HFM1: variants seen among roughly 807,000 people sequenced by gnomAD.
HFM1 encodes the protein probable ATP-dependent DNA helicase HFM1.
Under a neutral mutation model 192.1 loss-of-function variants are expected in HFM1, and 169 were observed. That is an observed-to-expected ratio of 0.88 (90% CI 0.78 to 1.00). The LOEUF (loss-of-function observed/expected upper bound fraction) is 1.00. Ranked by LOEUF, HFM1 falls within the 50% of genes least tolerant of loss-of-function variation. The pLI is 0.00. For missense variants in HFM1, 1,661 were observed against 1,668.0 expected (o/e 1.00, Z 0.07); for synonymous variants, 525 against 537.8 (o/e 0.98, Z 0.33).
intron 4 of HFM1, among the ~76,000 whole-genome samples, chr1:91,387,435 G>A (rs909583811): frequency 6.6e-6 from 1 of 150,516 alleles, no homozygotes; most frequent in Non-Finnish European, 1.5e-5. Flanking sequence ...CCGCTTTCAC[G>A]GTCTGTATTC....
chr1:91,401,354 T>G (rs907879347), intron 1 of HFM1, among the ~76,000 whole-genome samples: 8 of 152,216 alleles, frequency 5.3e-5, no homozygotes, highest in Non-Finnish European at 1.2e-4. Flanking sequence ...TGGAATGTGT[T>G]TTCTGCCATT....
chr1:91,313,579 T>A, intron 29 of HFM1, 84 bp from the exon 30 acceptor site: 1 of 921,550 alleles, frequency 1.1e-6, no homozygotes. Flanking sequence ...TTATCTCTCT[T>A]ACATTTTTAT....
Position 91,276,639 on chromosome 1 carries a change from T to C in HFM1, c.3577A>G (p.Lys1193Glu), listed in dbSNP as rs576011377. 1.7e-4 allele frequency: 253 copies of C among 1,499,272 alleles called. 3 individuals carry two copies. The South Asian group carries it at 2.9e-3, about 17-fold the overall frequency. The allele number at this position is 1,499,272 out of a possible 1,614,324, so 92.9% of individuals were successfully genotyped here. ...RNAVSSVPPV[K>E]RLKIQMNKSQ... is the part of the protein sequence containing the mutation. Reference sequence around the variant, plus strand: ...TTATTAAAACTAACCTTCAGACGTTTAACTGGAGGAACAGATGAAACAGCA... The same window carrying C: ...TTATTAAAACTAACCTTCAGACGTTCAACTGGAGGAACAGATGAAACAGCA... The change falls in exon 32 of 39, where the codon AAA (lysine) becomes GAA (glutamate). Residue 1193 changes from lysine (K) to glutamate (E), a missense_variant. By Grantham distance (56) the Lys-to-Glu change is moderately conservative. Transcript: ENST00000370425.
chr1:91,380,207 A>G lies in HFM1; in HGVS notation c.903T>C (p.Ile301=). 1 of 1,581,354 alleles carries G rather than the reference A, an allele frequency of 6.3e-7. No individual in the cohort carries two copies. The highest frequency in any genetic ancestry group is 8.6e-7 in the Non-Finnish European group (1 of 1,159,756). ...TTTTTCCAGAACCAGTTGGAGCACAAATCACAAAATTCCTATCTGTGTAAA... is the reference window on the plus strand; with the variant it reads ...TTTTTCCAGAACCAGTTGGAGCACAGATCACAAAATTCCTATCTGTGTAAA... ...DLLYTDRNFV[I]CAPTGSGKTV... The change falls in exon 8 of 39, where the codon ATT becomes ATC. Residue 301 remains isoleucine, a synonymous_variant. Coordinates refer to ENST00000370425, the MANE Select transcript of HFM1 (RefSeq NM_001017975.6).
intron 2 of HFM1, among the ~76,000 whole-genome samples, chr1:91,399,040 C>A (rs1664001141): frequency 6.6e-6 from 1 of 151,724 alleles, no homozygotes; most frequent in Non-Finnish European, 1.5e-5. Flanking sequence ...CCCCTGTGCC[C>A]TGCCCCACTC....
chr1:91,331,046 G>A (rs1211700326), intron 20 of HFM1, among the ~76,000 whole-genome samples: 3 of 152,156 alleles, frequency 2.0e-5, no homozygotes, highest in African/African-American at 7.2e-5. Context: ...AAACGGAAAA[G>A]CTTTCCTCTA....
chr1:91,370,617 A>C (rs1003222494), intron 13 of HFM1, among the ~76,000 whole-genome samples: 4 of 152,180 alleles, frequency 2.6e-5, no homozygotes, highest in African/African-American at 9.7e-5. Flanking sequence ...ATCTATGACA[A>C]ACCCACAGCC....
chr1:91,277,232 T>C (rs1666912724), intron 30 of HFM1, among the ~76,000 whole-genome samples, 170 bp from the exon 31 acceptor site: 1 of 151,690 alleles, frequency 6.6e-6, no homozygotes. Flanking sequence ...AATAAAGAGA[T>C]AGGGTCTTGC....
In HFM1 at chr1:91,385,790, T is replaced by C. The variant is rs147184441; in HGVS notation, c.539A>G (p.Asn180Ser). 2.5e-6 allele frequency: 4 copies of C among 1,607,308 alleles called. No homozygotes were observed. Among genetic ancestry groups the C allele is most frequent in the South Asian group, 1.1e-5 (1 of 90,940 alleles). The change falls in exon 5 of 39, where the codon AAT becomes AGT. Residue 180 changes from asparagine (N) to serine (S), a missense_variant. By Grantham distance (46) the Asn-to-Ser change is conservative. Transcript: ENST00000370425. The part of the protein sequence containing the change: ...SDNIHGSAYS[N>S]DNELDSHIGS... ...AATGTGAGAGTCCAATTCATTGTCA[T>C]TAGAATAAGCACTCCCATGTATATT...
At chr1:91,379,717 A>G (rs1661326879) in intron 8 of HFM1, among the ~76,000 whole-genome samples, 1 of 152,166 alleles carries the variant, frequency 6.6e-6, no homozygotes, top group Non-Finnish European at 1.5e-5. Context: ...GCTTTTCACT[A>G]TAAGGCCTTT....
chr1:91,321,716 CG>C (rs1326885752), intron 23 of HFM1, among the ~76,000 whole-genome samples: 1 of 151,760 alleles, frequency 6.6e-6, no homozygotes, highest in Non-Finnish European at 1.5e-5. Context: ...TGCACAAAGG[CG>C]GGAAATGATA....
chr1:91,359,219 C>T (rs1472070443), intron 13 of HFM1, among the ~76,000 whole-genome samples: 1 of 152,140 alleles, frequency 6.6e-6, no homozygotes, highest in Non-Finnish European at 1.5e-5. Context: ...ATGACTGTAA[C>T]ATTTCTCCAG....
rs1458515791 is a variant in HFM1 at position 91,277,002 on chromosome 1, T to C, written c.3452A>G (p.His1151Arg). The change falls in exon 31 of 39, where the codon CAT becomes CGT. Residue 1151 changes from histidine to arginine, a missense_variant. Physicochemically the swap from His to Arg is conservative, Grantham distance 29 (BLOSUM62 0). Transcript: ENST00000370425. Reference sequence around the variant, plus strand: ...CTCACAGCAGTCATGTCCACATGTATGTTTACTTTTACAAAGATGATTGCA... The same window carrying C: ...CTCACAGCAGTCATGTCCACATGTACGTTTACTTTTACAAAGATGATTGCA... ...RECNHLCKSK[H>R]TCGHDCCKIG... The C allele has an allele frequency of 6.3e-7, 1 of 1,595,952 alleles. No individual in the cohort carries two copies.
chr1:91,294,947 C>T (rs1445168695), intron 30 of HFM1, among the ~76,000 whole-genome samples: 1 of 152,100 alleles, frequency 6.6e-6, no homozygotes, highest in African/African-American at 2.4e-5. Context: ...ATAAATACTG[C>T]TAGTTTTCGG....
chr1:91,367,760 C>CTT (rs1246991551), intron 13 of HFM1, among the ~76,000 whole-genome samples: 5 of 151,958 alleles, frequency 3.3e-5, no homozygotes, highest in African/African-American at 1.2e-4. Context: ...CGGAGAATGA[C>CTT]TGACGAGTTG....
In HFM1 at chr1:91,313,497, T is replaced by A. The variant is rs780965851; in HGVS notation, c.3245-2A>T. On this transcript the variant is annotated splice_acceptor_variant, in intron 29 of 38. Coordinates refer to ENST00000370425, the MANE Select transcript of HFM1 (RefSeq NM_001017975.6). LOFTEE classifies it high-confidence loss of function. The stretch of plus-strand genomic sequence containing the variant: ...GTTTCTGCTGAATATCAAGCCCAAC[T>A]GGAAAATGAAAAAAAAGTACACAAA... 3 of 1,560,400 alleles carry A rather than the reference T, an allele frequency of 1.9e-6. No homozygotes were observed. Among genetic ancestry groups the A allele is most frequent in the Non-Finnish European group, 2.6e-6 (3 of 1,155,526 alleles).
At chr1:91,300,838 G>A (rs1273013970) in intron 30 of HFM1, among the ~76,000 whole-genome samples, 1 of 152,134 alleles carries the variant, frequency 6.6e-6, no homozygotes, top group African/African-American at 2.4e-5. Context: ...ATACTGAATG[G>A]ACAAAAACTG....
chr1:91,302,805 G>A (rs1352481431), intron 30 of HFM1, among the ~76,000 whole-genome samples: 1 of 151,306 alleles, frequency 6.6e-6, no homozygotes, highest in East Asian at 1.9e-4. Flanking sequence ...AGGGGGAAGG[G>A]ATAGCATTAG....
At chr1:91,387,218 T>C (rs199603390) in intron 4 of HFM1, among the ~76,000 whole-genome samples, 1 of 152,186 alleles carries the variant, frequency 6.6e-6, no homozygotes, top group African/African-American at 2.4e-5. Context: ...GTCTATGAAA[T>C]AGAACCTCCA....
Sources: allele counts gnomAD v4.1 joint callset (sites outside exome capture counted in the v4.1 genomes callset), GRCh38; gene constraint gnomAD v4.1.1; transcripts MANE v1.5; gene names NCBI Gene and HGNC (gene_info 2026-07-23, HGNC 2026-07-21).